Variants in LRP2 observed in about 807,000 individuals in gnomAD.
The protein encoded by LRP2 is LDL receptor related protein 2.
A neutral mutation model predicts 531.0 loss-of-function variants in LRP2; 172 were observed. That is an observed-to-expected ratio of 0.32 (90% CI 0.29 to 0.37). LRP2 has a LOEUF of 0.37. Among genes scored for constraint, LRP2 ranks in the 10% least tolerant of loss-of-function variants. The pLI, the probability that LRP2 is intolerant of heterozygous loss-of-function variation, is 1.00. For synonymous variants in LRP2, 1,992 were observed against 2,027.6 expected (o/e 0.98, Z 0.47); for missense variants, 5,167 against 5,868.3 (o/e 0.88, Z 3.90).
At chr2:169,270,867 G>A (rs762158366) in intron 16 of LRP2, 37 bp downstream of exon 16, 29 of 1,450,980 alleles carry the variant, frequency 2.0e-5, no homozygotes, top group South Asian at 5.9e-5. Context: ...GGCAAAACAC[G>A]CATACACACA....
intron 16 of LRP2, among the ~76,000 whole-genome samples, chr2:169,262,715 T>A (rs1299493748): frequency 2.7e-5 from 4 of 148,796 alleles, no homozygotes; most frequent in African/African-American, 9.8e-5. Context: ...AAGCTACCAA[T>A]GACTTTCTTC....
chr2:169,167,171 G>T (rs1262226736), intron 61 of LRP2, among the ~76,000 whole-genome samples: 2 of 152,190 alleles, frequency 1.3e-5, no homozygotes, highest in Non-Finnish European at 2.9e-5. Flanking sequence ...TTCTTTGAAA[G>T]TTAAACATGT....
At chr2:169,254,500 G>A (rs1385505747) in intron 19 of LRP2, among the ~76,000 whole-genome samples, 4 of 64,622 alleles carry the variant, frequency 6.2e-5, no homozygotes, top group African/African-American at 1.4e-4. Flanking sequence ...TGGTGGGGTC[G>A]GGGGAGGGGG....
chr2:169,232,649 G>C (rs995925800), intron 30 of LRP2, among the ~76,000 whole-genome samples: 3 of 152,176 alleles, frequency 2.0e-5, no homozygotes, highest in Non-Finnish European at 4.4e-5. Context: ...CTGAGAAAGT[G>C]ACATTTGGGT....
intron 57 of LRP2, 71 bp downstream of exon 57, chr2:169,173,025 T>C: frequency 1.3e-6 from 2 of 1,577,508 alleles, no homozygotes; most frequent in Non-Finnish European, 1.7e-6. Flanking sequence ...CTCTCATCTC[T>C]CATCTAATAA....
chr2:169,300,288 A>C (rs1423888968), intron 4 of LRP2, among the ~76,000 whole-genome samples: 1 of 152,126 alleles, frequency 6.6e-6, no homozygotes, highest in Non-Finnish European at 1.5e-5. Flanking sequence ...GCTGGGTAAA[A>C]GGTAAAGAGT....
chr2:169,246,361 CCT>C (rs778419619), intron 21 of LRP2, among the ~76,000 whole-genome samples: 1 of 152,264 alleles, frequency 6.6e-6, no homozygotes, highest in South Asian at 2.1e-4. Context: ...CCTGTCTCGG[CCT>C]CCGATTACAG....
At chr2:169,310,577 T>C (rs915541090) in intron 3 of LRP2, among the ~76,000 whole-genome samples, 3 of 152,246 alleles carry the variant, frequency 2.0e-5, no homozygotes, top group Non-Finnish European at 2.9e-5. Context: ...GATAAACTTT[T>C]TGATGTGCTG....
chr2:169,145,792 G>T lies in LRP2; in HGVS notation c.12943C>A (p.Leu4315Ile). ...TGATGAAAGATTCGAACTTGAGTGA[G>T]CCAAGGGTTCACTACCAGCGTTTTC... ...KEKTLVVNPW[L>I]TQVRIFHQLR... Residue 4315 changes from leucine (L) to isoleucine (I), a missense_variant, in exon 70 of 79, where the codon CTC becomes ATC. Leu to Ile is a conservative substitution (Grantham distance 5). Coordinates refer to ENST00000649046, the MANE Select transcript of LRP2 (RefSeq NM_004525.3). 1 of 1,614,106 alleles carries T rather than the reference G, an allele frequency of 6.2e-7. No individual in the cohort carries two copies. The highest frequency in any genetic ancestry group is 1.1e-5 in the South Asian group (1 of 91,076).
At chr2:169,129,286 T>G (rs910337403) in intron 77 of LRP2, among the ~76,000 whole-genome samples, 1 of 152,212 alleles carries the variant, frequency 6.6e-6, no homozygotes, top group Non-Finnish European at 1.5e-5. Flanking sequence ...TGGGCTCTTT[T>G]AATCGAATGG....
Position 169,280,374 on chromosome 2 carries a change from A to C in LRP2, c.1317T>G (p.Phe439Leu). The part of the protein sequence containing the change: ...VAFHYHLQRV[F>L]WTDTVQNKVF... ...CCTTATTTTGCACGGTGTCTGTCCA[A>C]AAAACTCTTTGCAGGTGATAGTGGA... Residue 439 changes from phenylalanine to leucine, a missense_variant, in exon 11 of 79, where the codon TTT (phenylalanine) becomes TTG (leucine). Coordinates refer to ENST00000649046, the MANE Select transcript of LRP2 (RefSeq NM_004525.3). The C allele has an allele frequency of 1.2e-6, 2 of 1,614,174 alleles. No individual in the cohort carries two copies.
intron 26 of LRP2, 128 bp from the exon 27 acceptor site, chr2:169,238,430 T>A: frequency 2.8e-6 from 2 of 705,454 alleles, no homozygotes; most frequent in Admixed American, 4.4e-5. Flanking sequence ...AGTAAGTTGG[T>A]GGGGAGGGGA....
intron 41 of LRP2, among the ~76,000 whole-genome samples, chr2:169,204,579 C>T (rs1168544785): frequency 2.0e-5 from 3 of 152,272 alleles, no homozygotes; most frequent in South Asian, 4.1e-4. Context: ...GTGTTAAGCA[C>T]ATAGCAGACT....
chr2:169,338,736 C>G (rs190961692), intron 1 of LRP2, among the ~76,000 whole-genome samples: 3 of 152,332 alleles, frequency 2.0e-5, no homozygotes, highest in African/African-American at 7.2e-5. Context: ...TAGCCAGATG[C>G]TGCATACTAC....
chr2:169,343,913 A>C (rs1685628609), intron 1 of LRP2, among the ~76,000 whole-genome samples: 1 of 152,216 alleles, frequency 6.6e-6, no homozygotes, highest in African/African-American at 2.4e-5. Flanking sequence ...TTCTCTTTAT[A>C]AAATGTGAGA....
chr2:169,186,704 C>T (rs1687647668), intron 49 of LRP2, among the ~76,000 whole-genome samples: 1 of 152,176 alleles, frequency 6.6e-6, no homozygotes, highest in African/African-American at 2.4e-5. Flanking sequence ...TTATTATCTG[C>T]AAAGAGAACA....
chr2:169,233,693 C>A, intron 29 of LRP2, 105 bp from the exon 30 acceptor site: 1 of 1,003,750 alleles, frequency 1.0e-6, no homozygotes, highest in Non-Finnish European at 1.6e-6. Flanking sequence ...TTTAACATGT[C>A]ATTATTTAAT....
chr2:169,264,707 G>A (rs893376878), intron 16 of LRP2, among the ~76,000 whole-genome samples: 1 of 151,984 alleles, frequency 6.6e-6, no homozygotes, highest in African/African-American at 2.4e-5. Flanking sequence ...ATATGCAGAA[G>A]CCTCAGTGCA....
chr2:169,202,840 T>G lies in LRP2; in HGVS notation c.8125A>C (p.Asn2709His). The G allele has an allele frequency of 6.2e-7, 1 of 1,614,192 alleles. No homozygotes were observed. Among genetic ancestry groups the G allele is most frequent in the South Asian group, 1.1e-5 (1 of 91,084 alleles). Residue 2709 changes from asparagine to histidine, a missense_variant, in exon 43 of 79, where the codon AAT becomes CAT. This residue lies in a region of LRP2 where 1,129 missense variants were observed against 1,362.7 expected (regional missense o/e 0.83). Coordinates refer to ENST00000649046, the MANE Select transcript of LRP2 (RefSeq NM_004525.3). ...RCGASSFTCS[N>H]GRCISEEWKC... The stretch of plus-strand genomic sequence containing the variant: ...CACTCTTCCGAGATGCAGCGCCCAT[T>G]GGAGCAGGTGAAGGAAGATGCACCA...
Sources: allele counts gnomAD v4.1 joint callset (sites outside exome capture counted in the v4.1 genomes callset), GRCh38; gene constraint gnomAD v4.1.1; regional missense constraint gnomAD v4.1.1; transcripts MANE v1.5; gene names NCBI Gene and HGNC (gene_info 2026-07-23, HGNC 2026-07-21).